ADK: variants seen among roughly 807,000 people sequenced by gnomAD.
ADK encodes adenosine kinase.
Under a neutral mutation model 44.7 loss-of-function variants are expected in ADK, and 24 were observed. The ratio of observed to expected loss-of-function variants is 0.54; its 90% CI spans 0.39 to 0.76. The LOEUF (loss-of-function observed/expected upper bound fraction) is 0.76. Among genes scored for constraint, ADK ranks in the 30% least tolerant of loss-of-function variants. The probability of loss-of-function intolerance (pLI) is 0.00; values close to 1 mark genes in which losing one functional copy is unlikely to be tolerated. For synonymous variants in ADK, 128 were observed against 142.6 expected, an observed-to-expected ratio of 0.90 and a Z score of 0.73; for missense variants, 321 against 425.1, an observed-to-expected ratio of 0.76 and a Z score of 2.15.
At chr10:74,177,351 TTG>T (rs1192639448) in intron 1 of ADK, among the ~76,000 whole-genome samples, 1 of 152,114 alleles carries the variant, frequency 6.6e-6, no homozygotes, top group Admixed American at 6.5e-5. Context: ...AGTTGTGAAA[TTG>T]TGTGTCTCTA....
intron 6 of ADK, among the ~76,000 whole-genome samples, chr10:74,478,174 A>G: frequency 6.6e-6 from 1 of 152,160 alleles, no homozygotes. Context: ...CTCCCAAAGC[A>G]CTGGGATTAT....
Position 74,404,157 on chromosome 10 carries a change from C to T in ADK, c.555+5578C>T, listed in dbSNP as rs528977382. ...AAAGTTCTGGGATTACAGGCATGAG[C>T]CACCACACCCAGCCTAATTGTTTTT... On this transcript the variant is annotated intron_variant, in intron 6 of 10. Transcript: ENST00000539909. 2.1e-4 allele frequency among the ~76,000 whole-genome samples: 31 copies of T among 148,098 alleles called. No individual in the cohort carries two copies. In the South Asian group the frequency reaches 3.0e-3, roughly 14 times the overall value.
At chr10:74,238,863 T>TA (rs1845084417) in intron 3 of ADK, among the ~76,000 whole-genome samples, 1 of 143,756 alleles carries the variant, frequency 7.0e-6, no homozygotes. Context: ...GTGCTTTTTT[T>TA]TTTTTTTTTT....
intron 9 of ADK, among the ~76,000 whole-genome samples, chr10:74,649,473 C>T (rs550394751): frequency 6.6e-6 from 1 of 151,902 alleles, no homozygotes; most frequent in African/African-American, 2.4e-5. Context: ...AAAATTAAAA[C>T]AATTAGCCAG....
At position 74,577,150 on chromosome 10, in the gene ADK, G is replaced by GTA. The variant is rs1554883627; in HGVS notation, c.727-12131_727-12130insAT. On this transcript the variant is annotated intron_variant, in intron 7 of 10. Coordinates refer to ENST00000539909, the MANE Select transcript of ADK (RefSeq NM_006721.4). ...TGTGTGTGTGTGTGTGTGTGTGTGT[G>GTA]TGTAGTCTAACTTGTACATTTGGCC... is the stretch of plus-strand genomic sequence containing the variant. 3.2e-3 allele frequency among the ~76,000 whole-genome samples: 476 copies of GTA among 149,086 alleles called. 2 individuals carry two copies. The highest frequency in any genetic ancestry group is 0.011 in the African/African-American group (441 of 39,358).
intron 3 of ADK, among the ~76,000 whole-genome samples, chr10:74,254,030 G>A (rs1845739550): frequency 6.6e-6 from 1 of 152,104 alleles, no homozygotes; most frequent in South Asian, 2.1e-4. Context: ...GCCTCCCAAA[G>A]TGCTGGGATT....
intron 9 of ADK, among the ~76,000 whole-genome samples, chr10:74,624,229 T>C (rs1303425522): frequency 7.3e-6 from 1 of 136,658 alleles, no homozygotes; most frequent in Admixed American, 7.2e-5. Flanking sequence ...GATTCATTGA[T>C]TTTTTTTTTT....
At chr10:74,698,738 T>C (rs1424596519) in intron 10 of ADK, among the ~76,000 whole-genome samples, 1 of 152,134 alleles carries the variant, frequency 6.6e-6, no homozygotes, top group African/African-American at 2.4e-5. Flanking sequence ...TTGAATTTTT[T>C]TGTAGGGACG....
chr10:74,583,925 G>A (rs1179343614), intron 7 of ADK, among the ~76,000 whole-genome samples: 2 of 152,098 alleles, frequency 1.3e-5, no homozygotes, highest in Non-Finnish European at 1.5e-5. Context: ...ATCCTCACTG[G>A]TTATTGATCA....
chr10:74,340,010 G>A (rs1268920505), intron 4 of ADK, among the ~76,000 whole-genome samples: 1 of 152,014 alleles, frequency 6.6e-6, no homozygotes, highest in Non-Finnish European at 1.5e-5. Context: ...TGTTTGTGCT[G>A]CTCTTTATTT....
At chr10:74,506,332 A>G in intron 6 of ADK, 1 of 267,866 alleles carries the variant, frequency 3.7e-6, no homozygotes, top group Non-Finnish European at 7.5e-6. Flanking sequence ...AATCTACGGT[A>G]CATATCAAGC....
intron 9 of ADK, among the ~76,000 whole-genome samples, chr10:74,652,381 A>G (rs549925871): frequency 6.6e-6 from 1 of 152,084 alleles, no homozygotes; most frequent in East Asian, 1.9e-4. Flanking sequence ...TAGCAGCATT[A>G]CCCAATAGAA....
intron 10 of ADK, among the ~76,000 whole-genome samples, chr10:74,682,537 G>C (rs1327752007): frequency 6.6e-6 from 1 of 151,326 alleles, no homozygotes; most frequent in African/African-American, 2.4e-5. Flanking sequence ...AACACCATCT[G>C]ACACCAATTA....
chr10:74,652,582 G>A (rs1447680625), intron 9 of ADK, among the ~76,000 whole-genome samples: 2 of 151,598 alleles, frequency 1.3e-5, no homozygotes, highest in African/African-American at 4.8e-5. Flanking sequence ...CCAACATGGT[G>A]AAACTCCGTC....
intron 4 of ADK, among the ~76,000 whole-genome samples, chr10:74,336,985 G>A (rs966863157): frequency 6.6e-6 from 1 of 152,174 alleles, no homozygotes. Flanking sequence ...AGATCCCATG[G>A]ATATGGTGGG....
chr10:74,187,379 T>G (rs1842797995), intron 1 of ADK, among the ~76,000 whole-genome samples: 1 of 152,196 alleles, frequency 6.6e-6, no homozygotes. Context: ...TGTACAAGTT[T>G]TTATTAAACT....
chr10:74,696,509 GCACCC>G, intron 10 of ADK, among the ~76,000 whole-genome samples: 1 of 151,182 alleles, frequency 6.6e-6, no homozygotes, highest in South Asian at 2.1e-4. Context: ...GGGACTACAG[GCACCC>G]GCCACCACCC....
chr10:74,190,050 A>G (rs1209447685), intron 1 of ADK, among the ~76,000 whole-genome samples: 1 of 152,206 alleles, frequency 6.6e-6, no homozygotes, highest in Non-Finnish European at 1.5e-5. Context: ...ATGGTGCTAT[A>G]AACATTCATC....
At chr10:74,517,812 T>C (rs1848653850) in intron 6 of ADK, among the ~76,000 whole-genome samples, 1 of 152,248 alleles carries the variant, frequency 6.6e-6, no homozygotes, top group Admixed American at 6.5e-5. Flanking sequence ...CATTGCCTTC[T>C]GTCATTGGTA....
Sources: allele counts gnomAD v4.1 joint callset (sites outside exome capture counted in the v4.1 genomes callset), GRCh38; gene constraint gnomAD v4.1.1; transcripts MANE v1.5; gene names NCBI Gene and HGNC (gene_info 2026-07-23, HGNC 2026-07-21).